The following ADCY9 variants were observed in gnomAD, a reference collection of about 807,000 sequenced individuals.
The protein encoded by ADCY9 is adenylate cyclase type 9.
A neutral mutation model predicts 101.5 loss-of-function variants in ADCY9; 50 were observed. The observed-to-expected ratio is 0.49, with a 90% CI of 0.39 to 0.62. The LOEUF is 0.62. ADCY9 is among the 20% of genes least tolerant of loss of function. ADCY9 has a pLI of 0.00. For missense variants in ADCY9, 1,662 were observed against 1,800.4 expected (o/e 0.92, Z 1.39); for synonymous variants, 905 against 769.3 (o/e 1.18, Z -2.92).
At chr16:4,102,816 G>A (rs2057052227) in intron 2 of ADCY9, among the ~76,000 whole-genome samples, 1 of 152,136 alleles carries the variant, frequency 6.6e-6, no homozygotes, top group African/African-American at 2.4e-5. Flanking sequence ...CCGCCTCCCA[G>A]GTTCAAGTGA....
In ADCY9 at chr16:4,115,398, G is replaced by A. The variant is rs1445432076; in HGVS notation, c.45C>T (p.Thr15=). Residue 15 remains threonine, a synonymous_variant, in exon 2 of 11, where the codon ACC becomes ACT. Transcript: ENST00000294016. The surrounding 1 kb of genome is among the most constrained non-coding windows in gnomAD (Gnocchi z 6.2). ...CCCCGCTGGAGTCGCAGCTCACCTC[G>A]GTGCTGTGGTGATGCAGCAGCTGCT... The part of the protein sequence containing the change: ...PHQQLLHHHS[T]EVSCDSSGDS... 2 of 1,587,204 alleles carry A rather than the reference G, an allele frequency of 1.3e-6. No individual in the cohort carries two copies. The highest frequency in any genetic ancestry group is 1.1e-5 in the South Asian group (1 of 87,844).
intron 2 of ADCY9, among the ~76,000 whole-genome samples, chr16:4,061,640 G>A (rs560091786): frequency 1.3e-3 from 204 of 152,052 alleles, no homozygotes; most frequent in African/African-American, 4.9e-3. Context: ...CTAACAAGTA[G>A]AAATAAAGAT....
intron 2 of ADCY9, among the ~76,000 whole-genome samples, chr16:4,088,301 T>C (rs968652785): frequency 6.6e-6 from 1 of 152,016 alleles, no homozygotes; most frequent in African/African-American, 2.4e-5. Flanking sequence ...TTTGTTTTTG[T>C]CTTTGTTTTA....
chr16:3,966,834 T>A lies in ADCY9; in HGVS notation c.3003A>T (p.Glu1001Asp). 6.2e-7 allele frequency: 1 copy of A among 1,614,170 alleles called. No homozygotes were observed. The highest frequency in any genetic ancestry group is 2.2e-5 in the East Asian group (1 of 44,886). Residue 1001 changes from glutamate to aspartate, a missense_variant, in exon 11 of 11, where the codon GAA becomes GAT. Physicochemically the swap from Glu to Asp is conservative, Grantham distance 45. This residue lies in a region of ADCY9 where 624 missense variants were observed against 639.1 expected (regional missense o/e 0.98). Coordinates refer to ENST00000294016, the MANE Select transcript of ADCY9 (RefSeq NM_001116.4). ...CGTGGTAGTGGAGGCGGTAGCTGAC[T>A]TCAAATTCGCGATTCAGGAACCAGA... ...LLVWFLNREF[E>D]VSYRLHYHGD...
At chr16:3,962,281 C>T (rs2055944889), downstream of ADCY9, among the ~76,000 whole-genome samples, 1 of 152,180 alleles carries the variant, frequency 6.6e-6, no homozygotes, top group African/African-American at 2.4e-5. Flanking sequence ...CTTTCCTTTT[C>T]AGAAAACCTA....
At chr16:3,980,257 G>A (rs1243679486) in intron 7 of ADCY9, among the ~76,000 whole-genome samples, 1 of 147,434 alleles carries the variant, frequency 6.8e-6, no homozygotes, top group Admixed American at 7.0e-5. Flanking sequence ...AGCGGGCTTC[G>A]TTTCAGGAGT....
chr16:4,106,374 T>A (rs910593171), intron 2 of ADCY9, among the ~76,000 whole-genome samples: 1 of 152,146 alleles, frequency 6.6e-6, no homozygotes, highest in African/African-American at 2.4e-5. Flanking sequence ...ATCCACCCTC[T>A]GATGCAGCCC....
chr16:4,020,870 A>C (rs2056471697), intron 2 of ADCY9, among the ~76,000 whole-genome samples: 1 of 152,140 alleles, frequency 6.6e-6, no homozygotes, highest in African/African-American at 2.4e-5. Context: ...ACTCTATCGA[A>C]CAAAATAGCA....
intron 2 of ADCY9, among the ~76,000 whole-genome samples, chr16:4,034,998 CA>C (rs1268207403): frequency 6.6e-6 from 1 of 152,208 alleles, no homozygotes; most frequent in East Asian, 1.9e-4. Flanking sequence ...TAACTGCAGT[CA>C]CCGCCTAGTT....
At chr16:3,996,799 T>C (rs980811122) in intron 3 of ADCY9, among the ~76,000 whole-genome samples, 8 of 152,232 alleles carry the variant, frequency 5.3e-5, no homozygotes, top group African/African-American at 1.9e-4. Context: ...AGGAATCTCC[T>C]GGCGTCAGTC....
Position 4,113,811 on chromosome 16 carries a change from T to G in ADCY9, c.1632A>C (p.Glu544Asp). Residue 544 changes from glutamate (E) to aspartate (D), a missense_variant, in exon 2 of 11, where the codon GAA becomes GAC. Physicochemically the swap from Glu to Asp is conservative, Grantham distance 45. Around this residue, in one of 5 missense-constraint regions of ADCY9, gnomAD observed 624 missense variants for 639.1 expected, o/e 0.98. Transcript: ENST00000294016. ...GTTCAATAACTTTCCCATCTTCCATTTCGTACCGGTCATCTAAGTATTTTG... is the reference window on the plus strand; with the variant it reads ...GTTCAATAACTTTCCCATCTTCCATGTCGTACCGGTCATCTAAGTATTTTG... ...ATAKYLDDRY[E>D]MEDGKVIERL... 6.2e-7 allele frequency: 1 copy of G among 1,614,080 alleles called. No homozygotes were observed. The highest frequency in any genetic ancestry group is 1.3e-5 in the African/African-American group (1 of 75,006).
chr16:4,044,569 G>A (rs2056649705), intron 2 of ADCY9, among the ~76,000 whole-genome samples: 1 of 152,030 alleles, frequency 6.6e-6, no homozygotes, highest in Non-Finnish European at 1.5e-5. Context: ...TTAAAATCTA[G>A]TTACCAGAGA....
At chr16:4,051,637 T>C (rs1372478374) in intron 2 of ADCY9, among the ~76,000 whole-genome samples, 6 of 151,910 alleles carry the variant, frequency 3.9e-5, no homozygotes, top group African/African-American at 1.5e-4. Flanking sequence ...TCTGGGACAA[T>C]CTGGGTATCG....
chr16:3,959,464 C>G (rs2055926537), downstream of ADCY9, among the ~76,000 whole-genome samples: 1 of 151,998 alleles, frequency 6.6e-6, no homozygotes, highest in Non-Finnish European at 1.5e-5. Context: ...CTGGGACAAG[C>G]ACAGCTTCTA....
At chr16:4,051,086 G>A (rs1020626116) in intron 2 of ADCY9, among the ~76,000 whole-genome samples, 8 of 152,170 alleles carry the variant, frequency 5.3e-5, no homozygotes, top group South Asian at 4.1e-4. Context: ...GGTGGCGCAC[G>A]CCTGTAATCC....
chr16:4,101,441 G>A (rs767045265), intron 2 of ADCY9, among the ~76,000 whole-genome samples: 12 of 151,988 alleles, frequency 7.9e-5, no homozygotes, highest in African/African-American at 2.4e-4. Flanking sequence ...CACCATGCAC[G>A]GCTAATTATT....
chr16:3,983,495 C>A lies in ADCY9; in HGVS notation c.2311-55G>T, dbSNP rs961084587. On this transcript the variant is annotated intron_variant, in intron 6 of 10. Coordinates refer to ENST00000294016, the MANE Select transcript of ADCY9 (RefSeq NM_001116.4). ...CTGGGAGGCCATGGGCGGCCAGGAG[C>A]GCAGTTCAGATGGAGAAACAGGCAA... is the stretch of plus-strand genomic sequence containing the variant. 55 of 1,462,262 alleles carry A rather than the reference C, an allele frequency of 3.8e-5. No homozygotes were observed. In the African/African-American group the frequency reaches 6.9e-4, roughly 18 times the overall value. The allele number at this position is 1,462,262 out of a possible 1,614,324, so 90.6% of individuals were successfully genotyped here. A position where few individuals can be genotyped will look rare whatever the true frequency, so the allele number is the denominator to read the frequency against.
At chr16:4,026,420 C>T (rs1257768922) in intron 2 of ADCY9, among the ~76,000 whole-genome samples, 5 of 89,948 alleles carry the variant, frequency 5.6e-5, no homozygotes, top group East Asian at 3.3e-4. Flanking sequence ...AGCAAGACTC[C>T]GTCTCAAAAA....
chr16:4,114,564 G>T lies in ADCY9; in HGVS notation c.879C>A (p.Ala293=), dbSNP rs1227183016. 6.2e-7 allele frequency: 1 copy of T among 1,614,102 alleles called. No homozygotes were observed. The highest frequency in any genetic ancestry group is 2.2e-5 in the East Asian group (1 of 44,880). The part of the protein sequence containing the change: ...SRGLLHGCIH[A]IGVHLFVMSQ... ...ACATGACGAACAGGTGGACCCCGATGGCGTGGATGCAGCCGTGGAGCAGCC... is the reference window on the plus strand; with the variant it reads ...ACATGACGAACAGGTGGACCCCGATTGCGTGGATGCAGCCGTGGAGCAGCC... Residue 293 remains alanine, a synonymous_variant, in exon 2 of 11, where the codon GCC becomes GCA. Transcript: ENST00000294016. This position sits in a 1 kb window ranked among gnomAD's most constrained non-coding sequence, Gnocchi z 4.3.
Sources: gnomAD v4.1 joint callset for allele counts (sites outside exome capture counted in the v4.1 genomes callset) on GRCh38, gnomAD v4.1.1 for gene constraint, gnomAD v4.1.1 regional missense constraint, Gnocchi (gnomAD v3.1) non-coding constraint, MANE v1.5 for transcripts, NCBI Gene and HGNC (gene_info 2026-07-23, HGNC 2026-07-21) for gene names.